Variants in EHBP1 observed in about 807,000 individuals in gnomAD.
The protein encoded by EHBP1 is EH domain binding protein 1.
In EHBP1, 55 loss-of-function variants were observed where a neutral mutation model predicts 144.0. That is an observed-to-expected ratio of 0.38 (90% CI 0.31 to 0.48). EHBP1 has a LOEUF of 0.48. Ranked by LOEUF, EHBP1 falls within the 20% of genes least tolerant of loss-of-function variation. The pLI is 0.98. For missense variants in EHBP1, 1,200 were observed against 1,364.2 expected (o/e 0.88, Z 1.90); for synonymous variants, 469 against 472.7 (o/e 0.99, Z 0.10).
At chr2:62,832,945 G>A (rs1028341949) in intron 7 of EHBP1, among the ~76,000 whole-genome samples, 3 of 152,148 alleles carry the variant, frequency 2.0e-5, no homozygotes, top group African/African-American at 4.8e-5. Context: ...AAGATAGGCC[G>A]AATGCAGAGG....
At chr2:62,978,733 T>C (rs760778510) in intron 14 of EHBP1, among the ~76,000 whole-genome samples, 10 of 152,198 alleles carry the variant, frequency 6.6e-5, no homozygotes, top group Non-Finnish European at 1.2e-4. Context: ...TGCCATTTCC[T>C]ATATAGTATT....
intron 10 of EHBP1, among the ~76,000 whole-genome samples, chr2:62,902,192 T>C (rs2053469221): frequency 1.3e-5 from 2 of 152,264 alleles, no homozygotes; most frequent in Admixed American, 6.5e-5. Flanking sequence ...TCTCCATTTG[T>C]TGAATTCAGG....
chr2:62,924,836 T>C (rs1217835084), intron 10 of EHBP1, among the ~76,000 whole-genome samples: 2 of 152,180 alleles, frequency 1.3e-5, no homozygotes, highest in Non-Finnish European at 2.9e-5. Flanking sequence ...AGGGAATCCT[T>C]TCCAATTCTT....
chr2:62,811,666 A>G (rs2045018271), intron 5 of EHBP1, among the ~76,000 whole-genome samples: 1 of 152,154 alleles, frequency 6.6e-6, no homozygotes, highest in Non-Finnish European at 1.5e-5. Context: ...CCACAAACAA[A>G]TTTTATAACT....
At chr2:62,932,735 C>T (rs1407780387) in intron 10 of EHBP1, among the ~76,000 whole-genome samples, 1 of 152,112 alleles carries the variant, frequency 6.6e-6, no homozygotes, top group Non-Finnish European at 1.5e-5. Context: ...GGGCGGATCA[C>T]TTGAGATCAG....
intron 7 of EHBP1, among the ~76,000 whole-genome samples, chr2:62,854,672 C>A (rs1485009460): frequency 6.6e-6 from 1 of 152,158 alleles, no homozygotes; most frequent in Non-Finnish European, 1.5e-5. Flanking sequence ...CAGCCCAGAA[C>A]AATTTAAGTA....
intron 8 of EHBP1, among the ~76,000 whole-genome samples, chr2:62,860,743 T>G (rs944813632): frequency 6.6e-6 from 1 of 152,228 alleles, no homozygotes; most frequent in African/African-American, 2.4e-5. Context: ...TTGAACTTTC[T>G]ATTTTAAAAT....
intron 19 of EHBP1, among the ~76,000 whole-genome samples, chr2:63,003,059 A>G (rs1559052345): frequency 6.6e-6 from 1 of 152,064 alleles, no homozygotes; most frequent in Non-Finnish European, 1.5e-5. Flanking sequence ...GATTTTTTAA[A>G]AATGTTTTTA....
chr2:62,921,331 G>A (rs551712714), intron 10 of EHBP1, among the ~76,000 whole-genome samples: 6 of 152,156 alleles, frequency 3.9e-5, no homozygotes, highest in African/African-American at 1.4e-4. Flanking sequence ...TGTAGCCCCA[G>A]CTGCTCAGGA....
At chr2:63,020,131 G>A (rs376320661) in intron 19 of EHBP1, among the ~76,000 whole-genome samples, 8 of 151,820 alleles carry the variant, frequency 5.3e-5, no homozygotes, top group African/African-American at 1.7e-4. Context: ...TGAGACCAGC[G>A]TGGTCAACAT....
Position 62,732,685 on chromosome 2 carries a change from T to A in EHBP1, c.105-14710T>A, listed in dbSNP as rs147624340. Among the ~76,000 whole-genome samples, 24 of 152,356 alleles carry A rather than the reference T, an allele frequency of 1.6e-4. 1 individual carries two copies. The highest frequency in any genetic ancestry group is 1.3e-3 in the Admixed American group (20 of 15,300). On this transcript the variant is annotated intron_variant, in intron 2 of 22. Transcript: ENST00000431489. Reference sequence around the variant, plus strand: ...TCCCCGAAAGCTGTCATGCTTCCTGTAAAGCCTGTGGAACCATGCGCCAAT... The same window carrying A: ...TCCCCGAAAGCTGTCATGCTTCCTGAAAAGCCTGTGGAACCATGCGCCAAT...
rs949902536 is a variant in EHBP1 at position 62,770,700 on chromosome 2, A to G, written c.259-639A>G. Among the ~76,000 whole-genome samples, 18 of 152,354 alleles carry G rather than the reference A, an allele frequency of 1.2e-4. 1 individual carries two copies. Among genetic ancestry groups the G allele is most frequent in the African/African-American group, 3.8e-4 (16 of 41,584 alleles). ...ATAAATCATTCTGCCATAAAGAAAC[A>G]TGCATGTGTAAATTCATTGCAGCAC... On this transcript the variant is annotated intron_variant, in intron 4 of 22. Transcript: ENST00000431489.
At chr2:62,838,545 T>C (rs1382883929) in intron 7 of EHBP1, among the ~76,000 whole-genome samples, 3 of 151,990 alleles carry the variant, frequency 2.0e-5, no homozygotes, top group Non-Finnish European at 4.4e-5. Context: ...AATCAGTGAA[T>C]CCAGGAGCTG....
At chr2:62,884,117 A>G (rs950893687) in intron 10 of EHBP1, among the ~76,000 whole-genome samples, 3 of 152,360 alleles carry the variant, frequency 2.0e-5, no homozygotes, top group East Asian at 3.9e-4. Context: ...GCACATAGAC[A>G]TATGGTCACA....
intron 10 of EHBP1, among the ~76,000 whole-genome samples, chr2:62,897,124 TCTC>T (rs2053002651): frequency 1.3e-5 from 2 of 152,208 alleles, no homozygotes; most frequent in Non-Finnish European, 2.9e-5. Flanking sequence ...TCTTGTGTAT[TCTC>T]CTCGTAGTTT....
chr2:62,999,316 T>G (rs970938786), intron 19 of EHBP1, among the ~76,000 whole-genome samples: 6 of 151,952 alleles, frequency 3.9e-5, no homozygotes, highest in African/African-American at 9.7e-5. Context: ...TATATTCAGG[T>G]TTTTTTTGCT....
chr2:62,861,160 C>T (rs528612916), intron 8 of EHBP1, among the ~76,000 whole-genome samples: 12 of 124,734 alleles, frequency 9.6e-5, no homozygotes, highest in East Asian at 2.5e-4. Flanking sequence ...GACAGAGTCT[C>T]GCCCTGTCGC....
At chr2:62,994,140 G>A (rs578035334) in intron 18 of EHBP1, 163 bp downstream of exon 18, 6 of 432,780 alleles carry the variant, frequency 1.4e-5, no homozygotes, top group African/African-American at 1.0e-4. Flanking sequence ...TTAGTCTGCA[G>A]TGTGGTGATA....
At chr2:62,824,019 T>C (rs2046168602) in intron 5 of EHBP1, among the ~76,000 whole-genome samples, 1 of 152,028 alleles carries the variant, frequency 6.6e-6, no homozygotes, top group African/African-American at 2.4e-5. Flanking sequence ...TACCTATTGT[T>C]TCAAAGACAC....
Sources: gnomAD v4.1 joint callset for allele counts (sites outside exome capture counted in the v4.1 genomes callset) on GRCh38, gnomAD v4.1.1 for gene constraint, MANE v1.5 for transcripts, NCBI Gene and HGNC (gene_info 2026-07-23, HGNC 2026-07-21) for gene names.